The following ADCYAP1R1 variants were observed in gnomAD, a reference collection of about 807,000 sequenced individuals.
ADCYAP1R1 encodes the protein ADCYAP receptor type I.
ADCYAP1R1 carries 44 observed loss-of-function variants against 67.6 expected under a neutral mutation model. The ratio of observed to expected loss-of-function variants is 0.65; its 90% CI spans 0.51 to 0.84. The LOEUF is 0.84. Among genes scored for constraint, ADCYAP1R1 ranks in the 40% least tolerant of loss-of-function variants. The pLI, the probability that ADCYAP1R1 is intolerant of heterozygous loss-of-function variation, is 0.00. For synonymous variants in ADCYAP1R1, 222 were observed against 219.6 expected (o/e 1.01, Z -0.10); for missense variants, 477 against 587.9 (o/e 0.81, Z 1.95).
Position 31,084,122 on chromosome 7 carries a change from A to G in ADCYAP1R1, c.329-19A>G. The G allele has an allele frequency of 6.2e-7, 1 of 1,609,520 alleles. No individual in the cohort carries two copies. Among genetic ancestry groups the G allele is most frequent in the Non-Finnish European group, 8.5e-7 (1 of 1,176,032 alleles). The stretch of plus-strand genomic sequence containing the variant: ...TCTTAATCATTTCTGGGCCTCGCTG[A>G]GTTTTCTTTTTGCTGCAGACATGGG... On this transcript the variant is annotated intron_variant, in intron 6 of 15. Transcript: ENST00000304166.
At chr7:31,093,880 C>T (rs1275658103) in intron 13 of ADCYAP1R1, among the ~76,000 whole-genome samples, 1 of 152,074 alleles carries the variant, frequency 6.6e-6, no homozygotes. Context: ...GGGTCCCCTT[C>T]CTCAGCCATT....
At chr7:31,082,207 C>T (rs561378995) in intron 6 of ADCYAP1R1, among the ~76,000 whole-genome samples, 15 of 152,288 alleles carry the variant, frequency 9.8e-5, no homozygotes, top group East Asian at 3.9e-4. Context: ...TGGGCTGATC[C>T]GGGACGGGCA....
chr7:31,106,036 T>C (rs960392646), intron 15 of ADCYAP1R1, among the ~76,000 whole-genome samples: 4 of 152,206 alleles, frequency 2.6e-5, no homozygotes, highest in African/African-American at 7.2e-5. Flanking sequence ...CTGGGTCTTG[T>C]GCAGAACTTT....
At chr7:31,095,848 G>A (rs1440316094) in intron 13 of ADCYAP1R1, 25 of 665,828 alleles carry the variant, frequency 3.8e-5, no homozygotes, top group Non-Finnish European at 6.9e-5. Context: ...TGGGGTCTGG[G>A]GCCTCTGCGG....
At chr7:31,069,077 G>C (rs957948184) in intron 3 of ADCYAP1R1, among the ~76,000 whole-genome samples, 1 of 152,078 alleles carries the variant, frequency 6.6e-6, no homozygotes, top group Non-Finnish European at 1.5e-5. Context: ...GGTTGGGGGG[G>C]TCCATGCAGA....
In ADCYAP1R1 at chr7:31,086,929, T is replaced by G. The variant is rs760771368; in HGVS notation, c.824-14T>G. 6.2e-7 allele frequency: 1 copy of G among 1,614,198 alleles called. No homozygotes were observed. Among genetic ancestry groups the G allele is most frequent in the South Asian group, 1.1e-5 (1 of 91,082 alleles). On this transcript the variant is annotated splice_polypyrimidine_tract_variant and intron_variant, in intron 10 of 15. Transcript: ENST00000304166. This position sits in a 1 kb window ranked among gnomAD's most constrained non-coding sequence, Gnocchi z 5.0. ...TTTCCTGTTCTCACGGACCTCTTTTTCTTGTTCTCCCAGGGACCCCAACTG... is the reference window on the plus strand; with the variant it reads ...TTTCCTGTTCTCACGGACCTCTTTTGCTTGTTCTCCCAGGGACCCCAACTG...
chr7:31,072,393 G>A (rs80220295), intron 3 of ADCYAP1R1, among the ~76,000 whole-genome samples: 5,791 of 152,172 alleles, frequency 0.038, 161 homozygotes, highest in Middle Eastern at 0.1. Context: ...CACCATTGGC[G>A]TGCCCTCAGT....
intron 12 of ADCYAP1R1, among the ~76,000 whole-genome samples, chr7:31,089,263 C>G (rs1472533029): frequency 1.3e-5 from 2 of 151,940 alleles, no homozygotes; most frequent in Non-Finnish European, 2.9e-5. Flanking sequence ...CATGGATTTT[C>G]TAGGTGGAAA....
In ADCYAP1R1 at chr7:31,087,694, A is replaced by G. The variant is rs1795808883; in HGVS notation, c.952A>G (p.Met318Val). The G allele has an allele frequency of 1.2e-6, 2 of 1,613,500 alleles. No homozygotes were observed. The highest frequency in any genetic ancestry group is 1.7e-6 in the Non-Finnish European group (2 of 1,179,596). ...VIKGPVVGSIMVNFVLFIGII... is the reference protein window; with the variant it reads ...VIKGPVVGSIVVNFVLFIGII... Reference sequence around the variant, plus strand: ...CAAAGGCCCTGTGGTTGGCTCTATCATGGTGAGTGTCCTTGGGATGAAGAG... The same window carrying G: ...CAAAGGCCCTGTGGTTGGCTCTATCGTGGTGAGTGTCCTTGGGATGAAGAG... Residue 318 changes from methionine (M) to valine (V), a missense_variant and splice_region_variant, in exon 12 of 16, where the codon ATG becomes GTG. Physicochemically the swap from Met to Val is conservative, Grantham distance 21 (BLOSUM62 1). Transcript: ENST00000304166.
chr7:31,106,574 C>A lies in ADCYAP1R1; in HGVS notation c.1297C>A (p.Pro433Thr). The A allele has an allele frequency of 6.2e-7, 1 of 1,614,082 alleles. No individual in the cohort carries two copies. The highest frequency in any genetic ancestry group is 1.3e-5 in the African/African-American group (1 of 75,064). The change falls in exon 16 of 16, where the codon CCG becomes ACG. Residue 433 changes from proline to threonine, a missense_variant. Coordinates refer to ENST00000304166, the MANE Select transcript of ADCYAP1R1 (RefSeq NM_001118.5). ...CGCTGTGGACTTCAAGCACCGACAC[C>A]CGTCTCTGGCCAGCAGTGGGGTGAA... Reference protein sequence around the residue: ...YFAVDFKHRHPSLASSGVNGG... With the variant: ...YFAVDFKHRHTSLASSGVNGG...
intron 9 of ADCYAP1R1, 107 bp downstream of exon 9, chr7:31,085,549 G>A (rs1012034457): frequency 7.5e-7 from 1 of 1,333,648 alleles, no homozygotes; most frequent in South Asian, 1.5e-5. Flanking sequence ...CAGATCAAGT[G>A]TGTCCCTGCA....
In ADCYAP1R1 at chr7:31,086,282, A is replaced by T; in HGVS notation, c.670-102A>T. On this transcript the variant is annotated intron_variant, in intron 9 of 15. Transcript: ENST00000304166. This position sits in a 1 kb window ranked among gnomAD's most constrained non-coding sequence, Gnocchi z 5.0. ...ATATTGACTCTCTTAGATCCTTGGG[A>T]TGTTTGAACCTGAGCATGCCAGAGC... 6.1e-6 allele frequency: 7 copies of T among 1,155,960 alleles called. No homozygotes were observed. Among genetic ancestry groups the T allele is most frequent in the Non-Finnish European group, 8.5e-6 (7 of 818,894 alleles). 71.6% of individuals were successfully genotyped at this position (1,155,960 alleles called of 1,614,324 possible).
chr7:31,087,027 G>A, intron 11 of ADCYAP1R1, 24 bp downstream of exon 11: 1 of 1,613,738 alleles, frequency 6.2e-7, no homozygotes, highest in Non-Finnish European at 8.5e-7. Context: ...CGAGAGTCAG[G>A]GCCACAGCAC....
rs186220692 is a variant in ADCYAP1R1 at position 31,068,330 on chromosome 7, T to C, written c.157+3394T>C. 6.6e-5 allele frequency among the ~76,000 whole-genome samples: 10 copies of C among 152,156 alleles called. No individual in the cohort carries two copies. The East Asian group carries it at 1.7e-3, about 27-fold the overall frequency. On this transcript the variant is annotated intron_variant, in intron 3 of 15. Coordinates refer to ENST00000304166, the MANE Select transcript of ADCYAP1R1 (RefSeq NM_001118.5). ...TGAGGCTGCTTAGACACAGAGACGT[T>C]AGGTTGCTTGTCTCTTACCTAGTAA...
At position 31,089,938 on chromosome 7, in the gene ADCYAP1R1, A is replaced by G. The variant is rs191979170; in HGVS notation, c.954+2242A>G. 2.1e-3 allele frequency among the ~76,000 whole-genome samples: 321 copies of G among 152,148 alleles called. No individual in the cohort carries two copies. In the Middle Eastern group the frequency reaches 0.027, roughly 13 times the overall value. ...TTTTTGGCATTGTTCATAAAATTCT[A>G]TGGTCTTAGGTACACGTGTGTGTGT... On this transcript the variant is annotated intron_variant, in intron 12 of 15. Transcript: ENST00000304166.
chr7:31,085,982 T>A (rs1431138234), intron 9 of ADCYAP1R1, among the ~76,000 whole-genome samples: 1 of 152,164 alleles, frequency 6.6e-6, no homozygotes, highest in Non-Finnish European at 1.5e-5. Flanking sequence ...AGTAGAGATT[T>A]CTGGAAGCTA....
At position 31,080,662 on chromosome 7, in the gene ADCYAP1R1, G is replaced by A. The variant is rs780681068; in HGVS notation, c.286+29G>A. The stretch of plus-strand genomic sequence containing the variant: ...AGAGGAACCTTGGTGAGGATAGACC[G>A]CTGTCTTTCTGTCCATCCAGCAGGA... On this transcript the variant is annotated intron_variant, in intron 5 of 15. Transcript: ENST00000304166. 61 of 1,611,448 alleles carry A rather than the reference G, an allele frequency of 3.8e-5. No individual in the cohort carries two copies. The Admixed American group carries it at 5.3e-4, about 14-fold the overall frequency.
chr7:31,093,098 A>G (rs1007762937), intron 13 of ADCYAP1R1, among the ~76,000 whole-genome samples: 1 of 152,190 alleles, frequency 6.6e-6, no homozygotes, highest in African/African-American at 2.4e-5. Flanking sequence ...TGGGAAGCTC[A>G]TGAATACCAC....
intron 8 of ADCYAP1R1, 92 bp from the exon 9 acceptor site, chr7:31,085,218 G>T (rs1215710643): frequency 1.3e-6 from 2 of 1,514,798 alleles, no homozygotes; most frequent in Non-Finnish European, 8.9e-7. Flanking sequence ...CTGAGATAAA[G>T]CCACAGAGTT....
Sources: allele counts gnomAD v4.1 joint callset (sites outside exome capture counted in the v4.1 genomes callset), GRCh38; gene constraint gnomAD v4.1.1; non-coding constraint Gnocchi (gnomAD v3.1); transcripts MANE v1.5; gene names NCBI Gene and HGNC (gene_info 2026-07-23, HGNC 2026-07-21).